BLTP1: variants seen among roughly 807,000 people sequenced by gnomAD.
The protein encoded by BLTP1 is bridge-like lipid transfer protein family member 1.
At chr4:122,211,458 A>G in the BLTP1 span, among the ~76,000 whole-genome samples, 1 of 152,182 alleles carries the variant, frequency 6.6e-6, no homozygotes, top group Non-Finnish European at 1.5e-5. Flanking sequence ...AGTACTACAT[A>G]TATCTGAGAA....
the BLTP1 span, chr4:122,279,763 C>G: frequency 6.2e-7 from 1 of 1,608,824 alleles, no homozygotes; most frequent in Non-Finnish European, 8.5e-7. Flanking sequence ...AGTCTTCTTT[C>G]TCTATTGATA....
At chr4:122,205,854 T>C in the BLTP1 span, 2 of 477,018 alleles carry the variant, frequency 4.2e-6, no homozygotes, top group Non-Finnish European at 5.5e-6. Flanking sequence ...TGTTATGTAC[T>C]GTGAGTATAC....
chr4:122,313,515 T>C, the BLTP1 span: 3 of 648,166 alleles, frequency 4.6e-6, no homozygotes, highest in Non-Finnish European at 4.8e-6. Context: ...CTAGGAAGGA[T>C]AGTAATCCTC....
At chr4:122,222,056 G>C in the BLTP1 span, 10 of 232,846 alleles carry the variant, frequency 4.3e-5, no homozygotes, top group Non-Finnish European at 7.0e-5. Context: ...AGTTCATGGA[G>C]TAGAGATACC....
At chr4:122,198,045 T>G in the BLTP1 span, 5 of 985,304 alleles carry the variant, frequency 5.1e-6, no homozygotes, top group Non-Finnish European at 6.0e-6. Flanking sequence ...TTTTGTGTAA[T>G]TCTTAGCTCT....
the BLTP1 span, chr4:122,243,157 G>A: frequency 1.5e-6 from 2 of 1,291,342 alleles, no homozygotes; most frequent in Admixed American, 2.0e-5. Flanking sequence ...CTTTATTTGA[G>A]TATGAACTTT....
the BLTP1 span, chr4:122,240,300 A>G: frequency 1.2e-6 from 2 of 1,614,114 alleles, no homozygotes; most frequent in Admixed American, 1.7e-5. Context: ...GGATACACCA[A>G]CCAGTGAAGA....
At chr4:122,172,438 A>G in the BLTP1 span, 1 of 415,406 alleles carries the variant, frequency 2.4e-6, no homozygotes, top group Non-Finnish European at 3.2e-6. Flanking sequence ...CATTAAAAAA[A>G]TAAATTTAGA....
At chr4:122,179,813 G>A in the BLTP1 span, 1 of 982,818 alleles carries the variant, frequency 1.0e-6, no homozygotes. Flanking sequence ...CCACACAAGT[G>A]CTAGTACACT....
chr4:122,306,173 T>C, the BLTP1 span: 3 of 897,156 alleles, frequency 3.3e-6, no homozygotes, highest in Non-Finnish European at 3.2e-6. Context: ...GAAATGTGTG[T>C]ATCCAAAAAA....
the BLTP1 span, chr4:122,336,682 A>G: frequency 4.3e-5 from 42 of 969,964 alleles, no homozygotes; most frequent in Non-Finnish European, 4.9e-5. Context: ...AGTGTTTGGT[A>G]TAGCAGCAGG....
chr4:122,294,041 C>T, the BLTP1 span, among the ~76,000 whole-genome samples: 5 of 152,192 alleles, frequency 3.3e-5, no homozygotes, highest in Non-Finnish European at 7.3e-5. Flanking sequence ...CATCCCTCCT[C>T]ACTGGGCAGG....
At chr4:122,284,093 T>C in the BLTP1 span, among the ~76,000 whole-genome samples, 1 of 152,204 alleles carries the variant, frequency 6.6e-6, no homozygotes, top group African/African-American at 2.4e-5. Context: ...CTATTACAAA[T>C]GTTATCTTTT....
the BLTP1 span, among the ~76,000 whole-genome samples, chr4:122,262,340 G>GC: frequency 1.3e-5 from 2 of 152,044 alleles, no homozygotes; most frequent in African/African-American, 2.4e-5. Context: ...CCACAAACAT[G>GC]CTATGTATAA....
chr4:122,252,484 G>A, the BLTP1 span, among the ~76,000 whole-genome samples: 1 of 152,258 alleles, frequency 6.6e-6, no homozygotes, highest in East Asian at 1.9e-4. Flanking sequence ...CAGCCCTTGG[G>A]CCTTAAGTGA....
the BLTP1 span, among the ~76,000 whole-genome samples, chr4:122,283,194 T>G: frequency 1.3e-5 from 2 of 152,224 alleles, no homozygotes; most frequent in Non-Finnish European, 2.9e-5. Flanking sequence ...ATTTAAGTTT[T>G]TAATCTATCT....
At chr4:122,198,517 T>C in the BLTP1 span, 1 of 867,510 alleles carries the variant, frequency 1.2e-6, no homozygotes, top group Non-Finnish European at 1.4e-6. Flanking sequence ...ATTTTTACTG[T>C]TTTATGCAGT....
chr4:122,172,297 G>A, the BLTP1 span: 1 of 706,980 alleles, frequency 1.4e-6, no homozygotes, highest in East Asian at 1.3e-4. Context: ...TCATAATTTA[G>A]AAGTAATACT....
At chr4:122,159,335 C>T in the BLTP1 span, among the ~76,000 whole-genome samples, 1 of 151,748 alleles carries the variant, frequency 6.6e-6, no homozygotes, top group Non-Finnish European at 1.5e-5. Context: ...TGGTGGCAGG[C>T]GCCTGTGGTC....
Sources: allele counts gnomAD v4.1 joint callset (sites outside exome capture counted in the v4.1 genomes callset), GRCh38; gene constraint gnomAD v4.1.1; transcripts MANE v1.5; gene names NCBI Gene and HGNC (gene_info 2026-07-23, HGNC 2026-07-21).